The following CD109 variants were observed in gnomAD, a reference collection of about 807,000 sequenced individuals.
CD109 encodes CD109 antigen.
Under a neutral mutation model 165.8 loss-of-function variants are expected in CD109, and 149 were observed. The ratio of observed to expected loss-of-function variants is 0.90; its 90% CI spans 0.79 to 1.03. The LOEUF (loss-of-function observed/expected upper bound fraction) is 1.03, where lower values mean the gene tolerates loss of function less well. Ranked by LOEUF, CD109 falls within the 50% of genes least tolerant of loss-of-function variation. CD109 has a pLI of 0.00. For missense variants in CD109, 1,712 were observed against 1,677.8 expected, an observed-to-expected ratio of 1.02 and a Z score of -0.36; for synonymous variants, 585 against 592.1, an observed-to-expected ratio of 0.99 and a Z score of 0.18.
chr6:73,730,759 C>G (rs1057154868), intron 4 of CD109, among the ~76,000 whole-genome samples, 185 bp downstream of exon 4: 1 of 152,092 alleles, frequency 6.6e-6, no homozygotes, highest in Non-Finnish European at 1.5e-5. Context: ...AGCTCAGCCT[C>G]TAGAGTCAAC....
chr6:73,757,205 A>G lies in CD109; in HGVS notation c.673+523A>G, dbSNP rs1773429333. Among the ~76,000 whole-genome samples the G allele has an allele frequency of 2.0e-5, 3 of 152,186 alleles. 1 individual carries two copies. Among genetic ancestry groups the G allele is most frequent in the Admixed American group, 2.0e-4 (3 of 15,274 alleles). On this transcript the variant is annotated intron_variant, in intron 6 of 32. Transcript: ENST00000287097. Reference sequence around the variant, plus strand: ...GATCTTAGTATTAGTTATAATTTGAATAGTTATTTTGAGGTTGCACATGCA... The same window carrying G: ...GATCTTAGTATTAGTTATAATTTGAGTAGTTATTTTGAGGTTGCACATGCA...
chr6:73,802,285 GTGTGTA>G (rs1562078270), intron 23 of CD109, among the ~76,000 whole-genome samples: 2 of 99,624 alleles, frequency 2.0e-5, no homozygotes, highest in African/African-American at 4.1e-5. Flanking sequence ...GTGTGTGTGT[GTGTGTA>G]TATATATATA....
chr6:73,762,251 G>T, intron 7 of CD109, 133 bp from the exon 8 acceptor site: 1 of 635,032 alleles, frequency 1.6e-6, no homozygotes, highest in Admixed American at 3.1e-5. Flanking sequence ...GTGAGCCACC[G>T]CTCCCAGCCC....
At chr6:73,775,488 C>T (rs1012457152) in intron 15 of CD109, among the ~76,000 whole-genome samples, 13 of 152,066 alleles carry the variant, frequency 8.5e-5, no homozygotes, top group South Asian at 4.2e-4. Context: ...CTTTCCCCCT[C>T]GCCCCTGTAA....
chr6:73,747,351 T>C (rs1290083932), intron 5 of CD109, among the ~76,000 whole-genome samples: 1 of 152,246 alleles, frequency 6.6e-6, no homozygotes, highest in African/African-American at 2.4e-5. Context: ...AAAAAAAATG[T>C]CTGATCTCTC....
At chr6:73,776,287 C>G (rs1774238619) in intron 15 of CD109, among the ~76,000 whole-genome samples, 2 of 152,166 alleles carry the variant, frequency 1.3e-5, no homozygotes, top group Admixed American at 1.3e-4. Context: ...AAGTCTCACT[C>G]TGTTGCTCAG....
chr6:73,804,551 G>C (rs556001436), intron 24 of CD109, among the ~76,000 whole-genome samples: 2 of 152,114 alleles, frequency 1.3e-5, no homozygotes, highest in African/African-American at 4.8e-5. Flanking sequence ...GTTGGCAGGT[G>C]GGGGCTGGGT....
the CD109 span, among the ~76,000 whole-genome samples, chr6:73,684,930 CT>C: frequency 1.3e-3 from 182 of 138,216 alleles, no homozygotes; most frequent in Middle Eastern, 3.6e-3. Context: ...ATTTTTTTTT[CT>C]TTTTTTTTTT....
chr6:73,762,651 C>G (rs1284668181), intron 8 of CD109, 90 bp from the exon 9 acceptor site: 2 of 1,068,188 alleles, frequency 1.9e-6, no homozygotes, highest in African/African-American at 3.2e-5. Context: ...GGTACCAGAG[C>G]TATCATATTG....
At chr6:73,717,135 T>C (rs2150162169) in intron 2 of CD109, among the ~76,000 whole-genome samples, 1 of 152,278 alleles carries the variant, frequency 6.6e-6, no homozygotes, top group African/African-American at 2.4e-5. Flanking sequence ...CCATTGGTCG[T>C]GTGTCTGTTT....
chr6:73,789,284 G>A (rs991907701), intron 22 of CD109, among the ~76,000 whole-genome samples: 3 of 152,058 alleles, frequency 2.0e-5, no homozygotes, highest in East Asian at 1.9e-4. Flanking sequence ...TAACATAATA[G>A]TACTTTTCAA....
chr6:73,739,320 T>G (rs1772667619), intron 5 of CD109, among the ~76,000 whole-genome samples: 1 of 152,150 alleles, frequency 6.6e-6, no homozygotes, highest in Non-Finnish European at 1.5e-5. Context: ...CAAGGAAATG[T>G]TATGAGAAGC....
chr6:73,718,290 G>GTAAC (rs1771817983), intron 2 of CD109, among the ~76,000 whole-genome samples: 1 of 152,088 alleles, frequency 6.6e-6, no homozygotes, highest in African/African-American at 2.4e-5. Context: ...ACTATGTTGA[G>GTAAC]TAACAGTGGT....
chr6:73,801,817 G>A (rs1775368620), intron 23 of CD109, among the ~76,000 whole-genome samples: 1 of 152,190 alleles, frequency 6.6e-6, no homozygotes, highest in South Asian at 2.1e-4. Flanking sequence ...GAGTATGGTT[G>A]CCAAGCTTTG....
At position 73,826,433 on chromosome 6, in the gene CD109, C is replaced by T. The variant is rs1040467223; in HGVS notation, c.*2800C>T. The T allele has an allele frequency of 2.0e-5, 3 of 152,202 alleles. No homozygotes were observed. The highest frequency in any genetic ancestry group is 4.4e-5 in the Non-Finnish European group (3 of 68,030). The allele number at this position is 152,202 out of a possible 1,614,324, so 9.4% of individuals were successfully genotyped here. A position where few individuals can be genotyped will look rare whatever the true frequency, so the allele number is the denominator to read the frequency against. ...AGTAAAACACCAGCATATCTTACCT[C>T]TCTTTCTGACTGGCCGATGCTTCCA... is the stretch of plus-strand genomic sequence containing the variant. On this transcript the variant is annotated 3_prime_UTR_variant, in exon 33 of 33. Transcript: ENST00000287097.
At chr6:73,811,632 T>C (rs780336440) in intron 28 of CD109, among the ~76,000 whole-genome samples, 15 of 152,102 alleles carry the variant, frequency 9.9e-5, no homozygotes, top group Non-Finnish European at 1.8e-4. Context: ...TCCACATGTC[T>C]TCTTAGGAGA....
chr6:73,734,352 A>G (rs141355230), intron 4 of CD109, among the ~76,000 whole-genome samples: 93 of 152,192 alleles, frequency 6.1e-4, no homozygotes, highest in African/African-American at 1.8e-3. Flanking sequence ...TGGACATTCC[A>G]TTTTCCTACA....
Position 73,696,252 on chromosome 6 carries a change from C to G in CD109, c.37C>G (p.Leu13Val). Residue 13 changes from leucine (L) to valine (V), a missense_variant, in exon 1 of 33, where the codon CTC becomes GTC. By Grantham distance (32) the Leu-to-Val change is conservative. Coordinates refer to ENST00000287097, the MANE Select transcript of CD109 (RefSeq NM_133493.5). ...GPPLLTAAHL[L>V]CVCTAALAVA... is the part of the protein sequence containing the mutation. Reference sequence around the variant, plus strand: ...ACCGCTCCTGACCGCCGCCCACCTCCTCTGCGTGTGCACCGCCGCGCTGGC... The same window carrying G: ...ACCGCTCCTGACCGCCGCCCACCTCGTCTGCGTGTGCACCGCCGCGCTGGC... 6.5e-7 allele frequency: 1 copy of G among 1,541,110 alleles called. No individual in the cohort carries two copies. Among genetic ancestry groups the G allele is most frequent in the Non-Finnish European group, 8.7e-7 (1 of 1,148,478 alleles).
chr6:73,767,135 A>G (rs1773884962), intron 13 of CD109, 125 bp downstream of exon 13: 2 of 763,224 alleles, frequency 2.6e-6, no homozygotes, highest in Non-Finnish European at 2.1e-6. Context: ...GGTTTGTTGT[A>G]CAGATTATTT....
Sources: allele counts gnomAD v4.1 joint callset (sites outside exome capture counted in the v4.1 genomes callset), GRCh38; gene constraint gnomAD v4.1.1; transcripts MANE v1.5; gene names NCBI Gene and HGNC (gene_info 2026-07-23, HGNC 2026-07-21).